Variants in AFAP1L2 observed in about 807,000 individuals in gnomAD.
AFAP1L2 encodes actin filament-associated protein 1-like 2.
Under a neutral mutation model 99.3 loss-of-function variants are expected in AFAP1L2, and 46 were observed. The ratio of observed to expected loss-of-function variants is 0.46; its 90% CI spans 0.37 to 0.59. The LOEUF (loss-of-function observed/expected upper bound fraction) is 0.59, where lower values mean the gene tolerates loss of function less well. AFAP1L2 is among the 20% of genes least tolerant of loss of function. The probability of loss-of-function intolerance (pLI) is 0.00; values close to 1 mark genes in which losing one functional copy is unlikely to be tolerated. For missense variants in AFAP1L2, 959 were observed against 1,034.9 expected (o/e 0.93, Z 1.01); for synonymous variants, 397 against 419.1 (o/e 0.95, Z 0.64).
chr10:114,302,519 A>T (rs759963886), intron 11 of AFAP1L2, 35 bp from the exon 12 acceptor site: 5 of 1,612,398 alleles, frequency 3.1e-6, no homozygotes, highest in Non-Finnish European at 4.2e-6. Flanking sequence ...AAGCAGGGCC[A>T]GGCAGTGCTG....
intron 1 of AFAP1L2, among the ~76,000 whole-genome samples, chr10:114,400,605 G>T (rs1390143524): frequency 6.6e-6 from 1 of 152,174 alleles, no homozygotes; most frequent in Admixed American, 6.5e-5. Context: ...TGAGTATCGG[G>T]GGGGCATCCC....
At chr10:114,383,227 T>G (rs1037708441) in intron 1 of AFAP1L2, among the ~76,000 whole-genome samples, 1 of 152,210 alleles carries the variant, frequency 6.6e-6, no homozygotes, top group African/African-American at 2.4e-5. Flanking sequence ...TGAATGAACC[T>G]GGCTCTGAGG....
At chr10:114,386,105 T>C (rs866738090) in intron 1 of AFAP1L2, among the ~76,000 whole-genome samples, 1 of 152,220 alleles carries the variant, frequency 6.6e-6, no homozygotes, top group Admixed American at 6.5e-5. Flanking sequence ...CCCAGTCTGT[T>C]GCTGTGAGAC....
chr10:114,322,586 G>A (rs887834416), intron 5 of AFAP1L2, among the ~76,000 whole-genome samples: 1 of 152,196 alleles, frequency 6.6e-6, no homozygotes, highest in Non-Finnish European at 1.5e-5. Flanking sequence ...TAACTCCCCT[G>A]TCCTGCAGAA....
intron 1 of AFAP1L2, among the ~76,000 whole-genome samples, chr10:114,376,951 A>G (rs1368617549): frequency 6.6e-6 from 1 of 152,180 alleles, no homozygotes; most frequent in Non-Finnish European, 1.5e-5. Context: ...AGCAAGATGG[A>G]GTAGAGACCC....
chr10:114,360,547 A>AGACG (rs2052210785), intron 1 of AFAP1L2, among the ~76,000 whole-genome samples: 2 of 151,874 alleles, frequency 1.3e-5, no homozygotes, highest in African/African-American at 4.9e-5. Flanking sequence ...ATAGATAGAT[A>AGACG]GATAGATAGA....
At chr10:114,356,089 T>C (rs2051339385) in intron 1 of AFAP1L2, among the ~76,000 whole-genome samples, 1 of 152,218 alleles carries the variant, frequency 6.6e-6, no homozygotes, top group South Asian at 2.1e-4. Context: ...ATACATTTCT[T>C]ACTATGGTCA....
Position 114,315,607 on chromosome 10 carries a change from C to T in AFAP1L2, c.565G>A (p.Gly189Arg), listed in dbSNP as rs1358949633. The T allele has an allele frequency of 1.9e-6, 3 of 1,614,050 alleles. No individual in the cohort carries two copies. The highest frequency in any genetic ancestry group is 2.5e-6 in the Non-Finnish European group (3 of 1,180,044). The part of the protein sequence containing the change: ...CAFLWRKKWL[G>R]QWAKQLCVIK... Reference sequence around the variant, plus strand: ...ACACAGAGCTGCTTGGCCCACTGTCCCAGCCACTTCTTGCGCCACAGGAAG... The same window carrying T: ...ACACAGAGCTGCTTGGCCCACTGTCTCAGCCACTTCTTGCGCCACAGGAAG... The change falls in exon 6 of 19, where the codon GGA becomes AGA. Residue 189 changes from glycine to arginine, a missense_variant. Physicochemically the swap from Gly to Arg is moderately radical, Grantham distance 125. Around this residue, in one of 2 missense-constraint regions of AFAP1L2, gnomAD observed 383 missense variants for 472.8 expected, o/e 0.81. Coordinates refer to ENST00000304129, the MANE Select transcript of AFAP1L2 (RefSeq NM_001001936.3).
intron 2 of AFAP1L2, 143 bp from the exon 3 acceptor site, chr10:114,333,438 A>G: frequency 4.6e-6 from 3 of 648,796 alleles, no homozygotes; most frequent in Non-Finnish European, 8.1e-6. Context: ...TTGAAAGAAT[A>G]GTCCAACATG....
At chr10:114,371,812 T>TA (rs1376274632) in intron 1 of AFAP1L2, among the ~76,000 whole-genome samples, 4 of 87,004 alleles carry the variant, frequency 4.6e-5, no homozygotes, top group Admixed American at 1.8e-4. Flanking sequence ...AGTACAATTA[T>TA]AAAAAAAATA....
chr10:114,347,395 ACT>A (rs1177154457), intron 1 of AFAP1L2, among the ~76,000 whole-genome samples: 3 of 152,236 alleles, frequency 2.0e-5, no homozygotes, highest in African/African-American at 7.2e-5. Flanking sequence ...AATGCAAAAC[ACT>A]GAGTCAGCCT....
chr10:114,402,380 A>G (rs1452480601), intron 1 of AFAP1L2, among the ~76,000 whole-genome samples: 1 of 152,214 alleles, frequency 6.6e-6, no homozygotes, highest in Non-Finnish European at 1.5e-5. Context: ...GGGATCCCCA[A>G]ATTCCTCAGT....
At position 114,331,845 on chromosome 10, in the gene AFAP1L2, C is replaced by A. The variant is rs186845699; in HGVS notation, c.273G>T (p.Ser91=). The A allele has an allele frequency of 7.2e-7, 1 of 1,393,338 alleles. No individual in the cohort carries two copies. The highest frequency in any genetic ancestry group is 9.4e-7 in the Non-Finnish European group (1 of 1,064,786). The allele number at this position is 1,393,338 out of a possible 1,614,324, so 86.3% of individuals were successfully genotyped here. A position where few individuals can be genotyped will look rare whatever the true frequency, so the allele number is the denominator to read the frequency against. The stretch of plus-strand genomic sequence containing the variant: ...GGTCTGGAAGGCTCTTCTGAGGGGC[C>A]GAGGAGTGCTGGCTGGGCTCCCCAT... ...LPNGEPSQHS[S]APQKSLPDLP... Residue 91 remains serine (S), a synonymous_variant, in exon 4 of 19, where the codon TCG becomes TCT. Transcript: ENST00000304129.
chr10:114,291,496 A>G, downstream of AFAP1L2: 2 of 485,282 alleles, frequency 4.1e-6, no homozygotes, highest in Non-Finnish European at 7.3e-6. Flanking sequence ...ATGTGTAAGT[A>G]AATACCCACT....
Position 114,333,899 on chromosome 10 carries a change from C to A in AFAP1L2, c.146-604G>T, listed in dbSNP as rs193232102. 5.3e-5 allele frequency among the ~76,000 whole-genome samples: 8 copies of A among 152,286 alleles called. No individual in the cohort carries two copies. In the East Asian group the frequency reaches 1.4e-3, roughly 26 times the overall value. ...GTAGAGATGTCTCTGGGCTTCCTAG[C>A]ATTTCATTTAAATTGTAAAATATTT... On this transcript the variant is annotated intron_variant, in intron 2 of 18. Transcript: ENST00000304129.
At chr10:114,362,027 G>A (rs2136585139) in intron 1 of AFAP1L2, among the ~76,000 whole-genome samples, 1 of 152,288 alleles carries the variant, frequency 6.6e-6, no homozygotes, top group African/African-American at 2.4e-5. Context: ...CCTGTATAGT[G>A]GAGAGAGCTG....
At position 114,351,810 on chromosome 10, in the gene AFAP1L2, C is replaced by G. The variant is rs375208823; in HGVS notation, c.17-11079G>C. Among the ~76,000 whole-genome samples, 44 of 152,290 alleles carry G rather than the reference C, an allele frequency of 2.9e-4. 1 individual carries two copies. The East Asian group carries it at 8.1e-3, about 28-fold the overall frequency. ...GTTCCCCTTGCCCTGGGTTCTTGATCTTGCAAGAAGCAGCCACCTCCGCCC... is the reference window on the plus strand; with the variant it reads ...GTTCCCCTTGCCCTGGGTTCTTGATGTTGCAAGAAGCAGCCACCTCCGCCC... On this transcript the variant is annotated intron_variant, in intron 1 of 18. Transcript: ENST00000304129.
intron 1 of AFAP1L2, among the ~76,000 whole-genome samples, chr10:114,383,430 G>T (rs970202199): frequency 6.6e-6 from 1 of 152,100 alleles, no homozygotes; most frequent in Non-Finnish European, 1.5e-5. Context: ...TTTTATTATC[G>T]CAGAGAGGAG....
intron 4 of AFAP1L2, among the ~76,000 whole-genome samples, chr10:114,329,228 C>G (rs2046881674): frequency 6.6e-6 from 1 of 152,158 alleles, no homozygotes; most frequent in Non-Finnish European, 1.5e-5. Context: ...GGGCCACGCT[C>G]CCCTCCCCAC....
Sources: gnomAD v4.1 joint callset for allele counts (sites outside exome capture counted in the v4.1 genomes callset) on GRCh38, gnomAD v4.1.1 for gene constraint, gnomAD v4.1.1 regional missense constraint, MANE v1.5 for transcripts, NCBI Gene and HGNC (gene_info 2026-07-23, HGNC 2026-07-21) for gene names.